Variants in PRELID2 observed in about 807,000 individuals in gnomAD.
PRELID2 encodes PRELI domain-containing protein 2.
A neutral mutation model predicts 28.4 loss-of-function variants in PRELID2; 25 were observed. The ratio of observed to expected loss-of-function variants is 0.88; its 90% CI spans 0.64 to 1.23. PRELID2 has a LOEUF of 1.23. Ranked by LOEUF, PRELID2 falls within the 50% of genes most tolerant of loss-of-function variation. The pLI, the probability that PRELID2 is intolerant of heterozygous loss-of-function variation, is 0.00. For synonymous variants in PRELID2, 76 were observed against 71.6 expected (o/e 1.06, Z -0.31); for missense variants, 201 against 214.4 (o/e 0.94, Z 0.39).
At chr5:145,247,841 C>G in the PRELID2 span, among the ~76,000 whole-genome samples, 2 of 152,108 alleles carry the variant, frequency 1.3e-5, no homozygotes, top group East Asian at 1.9e-4. Context: ...CATTCTAGTT[C>G]AGATTAGTCA....
At chr5:145,768,511 A>G (rs1757911499) in intron 5 of PRELID2, among the ~76,000 whole-genome samples, 1 of 152,152 alleles carries the variant, frequency 6.6e-6, no homozygotes, top group Non-Finnish European at 1.5e-5. Flanking sequence ...TTTTTATTCT[A>G]ACAAATCTCT....
intron 1 of PRELID2, among the ~76,000 whole-genome samples, chr5:145,552,667 G>T (rs1380108466): frequency 6.6e-6 from 1 of 152,058 alleles, no homozygotes; most frequent in Non-Finnish European, 1.5e-5. Context: ...AGTTATTCCT[G>T]CCACCGTTCT....
At chr5:145,422,736 T>C in the PRELID2 span, among the ~76,000 whole-genome samples, 276 of 152,230 alleles carry the variant, frequency 1.8e-3, 1 homozygote, top group African/African-American at 6.3e-3. Context: ...TCCATTTACA[T>C]TTAAAGTTAA....
chr5:145,489,847 T>C (rs771575857), intron 1 of PRELID2, among the ~76,000 whole-genome samples: 10 of 152,352 alleles, frequency 6.6e-5, no homozygotes, highest in African/African-American at 2.4e-4. Context: ...TCGTTAGCTT[T>C]CTTTCAGTCA....
chr5:145,564,079 T>A (rs964474672), intron 1 of PRELID2, among the ~76,000 whole-genome samples: 2 of 152,208 alleles, frequency 1.3e-5, no homozygotes, highest in African/African-American at 4.8e-5. Context: ...AAGCATTGAT[T>A]TTACTTTTTG....
the PRELID2 span, among the ~76,000 whole-genome samples, chr5:145,356,218 G>T: frequency 2.6e-5 from 4 of 151,992 alleles, no homozygotes; most frequent in African/African-American, 9.7e-5. Context: ...TTTCAGGTTG[G>T]GTTTATAAAG....
At chr5:145,647,413 G>T (rs1754216499) in intron 1 of PRELID2, among the ~76,000 whole-genome samples, 1 of 152,068 alleles carries the variant, frequency 6.6e-6, no homozygotes, top group African/African-American at 2.4e-5. Flanking sequence ...CTGCTGCTGT[G>T]CTGGTAGTGA....
At chr5:145,452,126 G>T in the PRELID2 span, among the ~76,000 whole-genome samples, 1 of 152,064 alleles carries the variant, frequency 6.6e-6, no homozygotes, top group African/African-American at 2.4e-5. Context: ...CTTCTATGTG[G>T]TCTCCTGACT....
the PRELID2 span, among the ~76,000 whole-genome samples, chr5:145,270,601 C>T: frequency 6.6e-6 from 1 of 151,946 alleles, no homozygotes; most frequent in Non-Finnish European, 1.5e-5. Flanking sequence ...ATATTTCTTA[C>T]CTATTATGAT....
At chr5:145,741,784 T>TATAA (rs370008454) in intron 1 of PRELID2, among the ~76,000 whole-genome samples, 93,360 of 113,522 alleles carry the variant, frequency 0.82, 39,240 homozygotes, top group Non-Finnish European at 0.86. Context: ...AAAATTTATT[T>TATAA]ATAAAGTATT....
chr5:145,466,436 T>C, the PRELID2 span, among the ~76,000 whole-genome samples: 7 of 152,170 alleles, frequency 4.6e-5, no homozygotes, highest in Non-Finnish European at 8.8e-5. Flanking sequence ...TGAATTTAAA[T>C]TATGTGCTGG....
At chr5:145,536,556 A>G (rs1580970956) in intron 1 of PRELID2, among the ~76,000 whole-genome samples, 2 of 151,824 alleles carry the variant, frequency 1.3e-5, no homozygotes, top group African/African-American at 4.8e-5. Context: ...TTTATTTCCT[A>G]TGTGGAGGGA....
intron 1 of PRELID2, among the ~76,000 whole-genome samples, chr5:145,650,983 A>G (rs10477284): frequency 0.22 from 33,798 of 152,092 alleles, 7,126 homozygotes; most frequent in African/African-American, 0.55. Context: ...GGAAGCACAA[A>G]GGGTCAGGGA....
At chr5:145,377,233 T>C in the PRELID2 span, among the ~76,000 whole-genome samples, 2 of 152,226 alleles carry the variant, frequency 1.3e-5, no homozygotes, top group African/African-American at 4.8e-5. Flanking sequence ...TCTAGTTTAA[T>C]TGCACTGTGG....
chr5:145,513,321 C>T (rs984290421), intron 1 of PRELID2, among the ~76,000 whole-genome samples: 1 of 151,586 alleles, frequency 6.6e-6, no homozygotes, highest in Non-Finnish European at 1.5e-5. Flanking sequence ...AAAAACATAG[C>T]ACAAGAACTT....
At chr5:145,713,828 A>T (rs1755771399) in intron 1 of PRELID2, among the ~76,000 whole-genome samples, 1 of 149,766 alleles carries the variant, frequency 6.7e-6, no homozygotes, top group African/African-American at 2.5e-5. Flanking sequence ...GCACATATAT[A>T]TATGCCAGAA....
At chr5:145,231,319 T>C in the PRELID2 span, among the ~76,000 whole-genome samples, 2 of 152,112 alleles carry the variant, frequency 1.3e-5, no homozygotes. Flanking sequence ...AGTTCTTTAG[T>C]GGTGGTTTGT....
At chr5:145,259,410 G>A in the PRELID2 span, among the ~76,000 whole-genome samples, 3 of 152,102 alleles carry the variant, frequency 2.0e-5, no homozygotes, top group African/African-American at 7.2e-5. Flanking sequence ...AGCACCAGGG[G>A]CTGAACCCTA....
At chr5:145,286,274 A>G in the PRELID2 span, among the ~76,000 whole-genome samples, 1 of 152,174 alleles carries the variant, frequency 6.6e-6, no homozygotes, top group Non-Finnish European at 1.5e-5. Context: ...GTTCAAAACT[A>G]GGATGCCTGC....
Sources: gnomAD v4.1 joint callset for allele counts (sites outside exome capture counted in the v4.1 genomes callset) on GRCh38, gnomAD v4.1.1 for gene constraint, MANE v1.5 for transcripts, NCBI Gene and HGNC (gene_info 2026-07-23, HGNC 2026-07-21) for gene names.